Variants in C10orf53 observed in about 807,000 individuals in gnomAD.
The protein encoded by C10orf53 is UPF0728 protein C10orf53.
C10orf53 carries 8 observed loss-of-function variants against 9.4 expected under a neutral mutation model. That is an observed-to-expected ratio of 0.85 (90% CI 0.50 to 1.53). The LOEUF is 1.53. C10orf53 is among the 40% of genes most tolerant of loss of function. The pLI, the probability that C10orf53 is intolerant of heterozygous loss-of-function variation, is 0.00. For missense variants in C10orf53, 117 were observed against 117.8 expected, an observed-to-expected ratio of 0.99 and a Z score of 0.03; for synonymous variants, 48 against 46.0, an observed-to-expected ratio of 1.04 and a Z score of -0.18.
rs1590644760 is a variant in C10orf53 at position 49,694,736 on chromosome 10, A to C, written c.*134A>C. 1 of 1,473,698 alleles carries C rather than the reference A, an allele frequency of 6.8e-7. No individual in the cohort carries two copies. Among genetic ancestry groups the C allele is most frequent in the Non-Finnish European group, 9.0e-7 (1 of 1,112,560 alleles). 91.3% of individuals were successfully genotyped at this position (1,473,698 alleles called of 1,614,324 possible). Reference sequence around the variant, plus strand: ...GTCAGAACAGGGCAACTCGGGCCTGACCTCCAGCTTACGCAGCCTCAGGAT... The same window carrying C: ...GTCAGAACAGGGCAACTCGGGCCTGCCCTCCAGCTTACGCAGCCTCAGGAT... On this transcript the variant is annotated 3_prime_UTR_variant, in exon 3 of 3. Coordinates refer to ENST00000374111, the MANE Select transcript of C10orf53 (RefSeq NM_001042427.3).
chr10:49,686,598 C>T lies in C10orf53; in HGVS notation c.97+6804C>T, dbSNP rs189886782. ...GAGAACCTGGGAAAGGAATGCATTC[C>T]AGGGGGTAGGTCTATAGATGGCTGC... On this transcript the variant is annotated intron_variant, in intron 1 of 2. Coordinates refer to ENST00000374111, the MANE Select transcript of C10orf53 (RefSeq NM_001042427.3). Among the ~76,000 whole-genome samples the T allele has an allele frequency of 2.7e-3, 405 of 152,088 alleles. 5 individuals are homozygous for T. The highest frequency in any genetic ancestry group is 7.6e-3 in the African/African-American group (314 of 41,460).
downstream of C10orf53, among the ~76,000 whole-genome samples, chr10:49,700,613 A>T (rs1260000831): frequency 6.6e-6 from 1 of 152,132 alleles, no homozygotes; most frequent in African/African-American, 2.4e-5. Context: ...CCTGATTCTC[A>T]TATCTTTCTA....
At chr10:49,703,476 C>T (rs550719677) in intron 2 of C10orf53, among the ~76,000 whole-genome samples, 32 of 152,272 alleles carry the variant, frequency 2.1e-4, no homozygotes, top group Admixed American at 3.9e-4. Flanking sequence ...AGCTGTTTAG[C>T]CAAGCAGCAG....
chr10:49,698,414 AACACATGGTGCTGAGGGAGGACTGG>A (rs1412835595), downstream of C10orf53, among the ~76,000 whole-genome samples: 3 of 152,172 alleles, frequency 2.0e-5, no homozygotes, highest in Non-Finnish European at 4.4e-5. Flanking sequence ...GGGAGGACTG[AACACATGGTGCTGAGGGAGGACTGG>A]ACACATGTCC....
intron 2 of C10orf53, among the ~76,000 whole-genome samples, chr10:49,704,325 A>G (rs1380070132): frequency 1.3e-5 from 2 of 152,254 alleles, no homozygotes; most frequent in Admixed American, 6.5e-5. Context: ...AAAAAGGCTA[A>G]CAGCCCACAG....
intron 1 of C10orf53, among the ~76,000 whole-genome samples, chr10:49,685,446 A>T (rs1840519492): frequency 6.6e-6 from 1 of 152,140 alleles, no homozygotes; most frequent in Non-Finnish European, 1.5e-5. Context: ...TTTAACTTAA[A>T]ATATTTTCAA....
At position 49,679,657 on chromosome 10, in the gene C10orf53, G is replaced by C; in HGVS notation, c.-41G>C. On this transcript the variant is annotated 5_prime_UTR_variant, in exon 1 of 3. Coordinates refer to ENST00000374111, the MANE Select transcript of C10orf53 (RefSeq NM_001042427.3). ...GCCGGAAGAGAGGTTGCTTAGCAGCGTGTGTTTCTCCCTTGCCTCTGCGGC... is the reference window on the plus strand; with the variant it reads ...GCCGGAAGAGAGGTTGCTTAGCAGCCTGTGTTTCTCCCTTGCCTCTGCGGC... The C allele has an allele frequency of 2.6e-6, 4 of 1,537,134 alleles. No individual in the cohort carries two copies. The highest frequency in any genetic ancestry group is 1.8e-6 in the Non-Finnish European group (2 of 1,139,762).
intron 2 of C10orf53, among the ~76,000 whole-genome samples, chr10:49,706,163 G>A (rs1358113481): frequency 6.6e-6 from 1 of 152,198 alleles, no homozygotes; most frequent in Non-Finnish European, 1.5e-5. Flanking sequence ...AATGTCAGAT[G>A]GGCAGCCACT....
At chr10:49,708,827 C>A in exon 3 of C10orf53, 1 of 672,486 alleles carries the variant, frequency 1.5e-6, no homozygotes, top group Non-Finnish European at 2.4e-6. Context: ...ACTGTATTCC[C>A]GTGTTGAAGT....
intron 1 of C10orf53, among the ~76,000 whole-genome samples, chr10:49,687,518 G>T (rs1016661821): frequency 3.3e-5 from 5 of 152,224 alleles, no homozygotes; most frequent in Non-Finnish European, 5.9e-5. Context: ...CCATTTAGTA[G>T]CTTTGCAGTC....
intron 1 of C10orf53, among the ~76,000 whole-genome samples, chr10:49,689,591 C>T (rs1327873832): frequency 1.3e-5 from 2 of 151,914 alleles, no homozygotes; most frequent in Non-Finnish European, 2.9e-5. Flanking sequence ...ACATTCTCAG[C>T]GATAGCGAAA....
At chr10:49,705,339 A>G (rs556460855) in intron 2 of C10orf53, among the ~76,000 whole-genome samples, 1 of 152,316 alleles carries the variant, frequency 6.6e-6, no homozygotes, top group East Asian at 1.9e-4. Context: ...CATCCTTTTT[A>G]CCTTTGAAAC....
intron 1 of C10orf53, among the ~76,000 whole-genome samples, chr10:49,689,992 G>A (rs191919963): frequency 1.3e-5 from 2 of 152,106 alleles, no homozygotes; most frequent in Non-Finnish European, 2.9e-5. Context: ...GATGGGGAGC[G>A]CTGGGAAGCC....
Position 49,696,912 on chromosome 10 carries a change from C to T in C10orf53, c.*2310C>T, listed in dbSNP as rs1840640659. On this transcript the variant is annotated 3_prime_UTR_variant, in exon 3 of 3. Transcript: ENST00000374111. ...TTCAGATAAAAACTTAAAATCAGGG[C>T]CGGGCACTATGGCTTTTGCCTGTAA... Among the ~76,000 whole-genome samples the T allele has an allele frequency of 6.6e-6, 1 of 152,144 alleles. No individual in the cohort carries two copies. Among genetic ancestry groups the T allele is most frequent in the East Asian group, 1.9e-4 (1 of 5,198 alleles).
chr10:49,691,766 G>T (rs1840586261), intron 1 of C10orf53, among the ~76,000 whole-genome samples: 1 of 152,198 alleles, frequency 6.6e-6, no homozygotes, highest in Non-Finnish European at 1.5e-5. Flanking sequence ...GAGGGCCAGG[G>T]GCAGGCTACA....
intron 1 of C10orf53, among the ~76,000 whole-genome samples, chr10:49,693,107 T>G (rs764664634): frequency 1.1e-4 from 16 of 152,196 alleles, no homozygotes; most frequent in Non-Finnish European, 1.2e-4. Flanking sequence ...TTGCATGTAT[T>G]TTTCTTGCCA....
intron 1 of C10orf53, among the ~76,000 whole-genome samples, chr10:49,683,988 TC>T (rs1375163768): frequency 6.6e-6 from 1 of 152,224 alleles, no homozygotes; most frequent in Non-Finnish European, 1.5e-5. Context: ...TAAATTTAGA[TC>T]TTTGATCCAT....
chr10:49,700,250 G>A (rs916048045), downstream of C10orf53, among the ~76,000 whole-genome samples: 1 of 152,238 alleles, frequency 6.6e-6, no homozygotes, highest in African/African-American at 2.4e-5. Context: ...GAGGGACCCA[G>A]GAATCTACTT....
intron 1 of C10orf53, among the ~76,000 whole-genome samples, chr10:49,689,891 T>A (rs1187835515): frequency 6.6e-6 from 1 of 152,242 alleles, no homozygotes; most frequent in Non-Finnish European, 1.5e-5. Flanking sequence ...CATTGATAAC[T>A]TGATTTTTAA....
Sources: allele counts gnomAD v4.1 joint callset (sites outside exome capture counted in the v4.1 genomes callset), GRCh38; gene constraint gnomAD v4.1.1; transcripts MANE v1.5; gene names NCBI Gene and HGNC (gene_info 2026-07-23, HGNC 2026-07-21).